PTPRG: variants seen among roughly 807,000 people sequenced by gnomAD.
PTPRG encodes the protein protein tyrosine phosphatase receptor type G, also known as receptor-type tyrosine-protein phosphatase gamma.
PTPRG carries 102 observed loss-of-function variants against 165.3 expected under a neutral mutation model. The observed-to-expected ratio is 0.62, with a 90% CI of 0.53 to 0.73. The LOEUF (loss-of-function observed/expected upper bound fraction) is 0.73. PTPRG is among the 30% of genes least tolerant of loss of function. PTPRG has a pLI of 0.00. For synonymous variants in PTPRG, 675 were observed against 669.5 expected, an observed-to-expected ratio of 1.01 and a Z score of -0.13; for missense variants, 1,866 against 1,861.4, an observed-to-expected ratio of 1.00 and a Z score of -0.05.
chr3:62,145,725 C>G (rs944567286), intron 6 of PTPRG, among the ~76,000 whole-genome samples: 2 of 152,160 alleles, frequency 1.3e-5, no homozygotes, highest in Admixed American at 6.6e-5. Flanking sequence ...TCTATAAATA[C>G]AATCTTATTG....
At chr3:62,238,891 T>C (rs1701091942) in intron 14 of PTPRG, among the ~76,000 whole-genome samples, 1 of 151,936 alleles carries the variant, frequency 6.6e-6, no homozygotes, top group Non-Finnish European at 1.5e-5. Flanking sequence ...AATTGTACAA[T>C]AGGGGGAAGT....
intron 2 of PTPRG, among the ~76,000 whole-genome samples, chr3:61,824,114 C>G (rs1428220021): frequency 2.7e-5 from 4 of 150,926 alleles, no homozygotes; most frequent in African/African-American, 9.8e-5. Context: ...GGCGACAGAG[C>G]GAGACTCCGT....
intron 4 of PTPRG, among the ~76,000 whole-genome samples, chr3:62,040,868 A>G (rs910047368): frequency 1.3e-5 from 2 of 152,190 alleles, no homozygotes; most frequent in Non-Finnish European, 2.9e-5. Flanking sequence ...TGGCCTCTGC[A>G]TATATAGAGG....
chr3:62,281,685 T>A lies in PTPRG; in HGVS notation c.3888T>A (p.His1296Gln). The A allele has an allele frequency of 6.2e-7, 1 of 1,611,948 alleles. No individual in the cohort carries two copies. The highest frequency in any genetic ancestry group is 8.5e-7 in the Non-Finnish European group (1 of 1,178,786). ...CLSNEEQIIIHDFILEATQDD... is the reference protein window; with the variant it reads ...CLSNEEQIIIQDFILEATQDD... ...CTAATGAAGAACAAATTATCATCCATGACTTTATCCTTGAAGCTACACAGG... is the reference window on the plus strand; with the variant it reads ...CTAATGAAGAACAAATTATCATCCAAGACTTTATCCTTGAAGCTACACAGG... Residue 1296 changes from histidine (H) to glutamine (Q), a missense_variant, in exon 27 of 30, where the codon CAT becomes CAA. Around this residue, in one of 3 missense-constraint regions of PTPRG, gnomAD observed 1,452 missense variants for 1,463.0 expected, o/e 0.99. Coordinates refer to ENST00000474889, the MANE Select transcript of PTPRG (RefSeq NM_002841.4).
At chr3:62,117,622 G>T (rs950632005) in intron 5 of PTPRG, among the ~76,000 whole-genome samples, 1 of 152,128 alleles carries the variant, frequency 6.6e-6, no homozygotes, top group Non-Finnish European at 1.5e-5. Context: ...TATTTTGAAG[G>T]CTTACTGTGG....
chr3:61,717,553 C>T (rs904762708), intron 1 of PTPRG, among the ~76,000 whole-genome samples: 3 of 151,692 alleles, frequency 2.0e-5, no homozygotes, highest in Admixed American at 1.3e-4. Flanking sequence ...TTTGGGAGGC[C>T]GAGGCAAGCG....
chr3:61,676,284 C>T (rs1283933991), intron 1 of PTPRG, among the ~76,000 whole-genome samples: 4 of 151,046 alleles, frequency 2.6e-5, no homozygotes, highest in East Asian at 2.0e-4. Flanking sequence ...GGTGAAACCC[C>T]GTCTCTACTA....
chr3:62,095,665 A>G (rs896911143), intron 5 of PTPRG, among the ~76,000 whole-genome samples: 1 of 152,166 alleles, frequency 6.6e-6, no homozygotes, highest in African/African-American at 2.4e-5. Flanking sequence ...AAATGTGCCA[A>G]TGGACATATG....
intron 2 of PTPRG, among the ~76,000 whole-genome samples, chr3:61,884,335 A>C (rs1468586924): frequency 6.6e-6 from 1 of 152,230 alleles, no homozygotes; most frequent in Non-Finnish European, 1.5e-5. Context: ...TGAAATGAAT[A>C]TTAAGATTAT....
intron 12 of PTPRG, among the ~76,000 whole-genome samples, chr3:62,204,351 G>A (rs1051903284): frequency 2.0e-5 from 3 of 152,172 alleles, no homozygotes; most frequent in African/African-American, 7.2e-5. Flanking sequence ...TGCTGTCCCA[G>A]GGGATCCTAG....
At chr3:61,598,508 C>G (rs1443023541) in intron 1 of PTPRG, among the ~76,000 whole-genome samples, 1 of 152,100 alleles carries the variant, frequency 6.6e-6, no homozygotes. Flanking sequence ...GAGTGAAGAG[C>G]TATAAGACAC....
chr3:61,974,696 A>G (rs1452227968), intron 2 of PTPRG, among the ~76,000 whole-genome samples: 1 of 152,200 alleles, frequency 6.6e-6, no homozygotes, highest in Non-Finnish European at 1.5e-5. Context: ...ACCTAAAAAC[A>G]TATGATTCTA....
At chr3:61,592,324 C>A (rs138330221) in intron 1 of PTPRG, among the ~76,000 whole-genome samples, 19 of 152,158 alleles carry the variant, frequency 1.2e-4, no homozygotes, top group African/African-American at 4.3e-4. Context: ...TGTGCGGAGA[C>A]TGTAAAGGAT....
chr3:62,236,904 C>T (rs894102829), intron 14 of PTPRG, among the ~76,000 whole-genome samples: 2 of 152,108 alleles, frequency 1.3e-5, no homozygotes, highest in African/African-American at 4.8e-5. Context: ...ACGTGTTGAC[C>T]CAGATGTCTG....
chr3:62,057,430 C>T (rs972480682), intron 4 of PTPRG, among the ~76,000 whole-genome samples: 2 of 152,194 alleles, frequency 1.3e-5, no homozygotes. Context: ...GTGGGACTCC[C>T]AAAGGATGCC....
intron 4 of PTPRG, among the ~76,000 whole-genome samples, chr3:62,067,832 G>C (rs1322275347): frequency 6.6e-6 from 1 of 152,190 alleles, no homozygotes; most frequent in Non-Finnish European, 1.5e-5. Context: ...AGGGACCTCT[G>C]TGCTAGATGC....
At chr3:62,090,402 G>A (rs17065991) in intron 5 of PTPRG, among the ~76,000 whole-genome samples, 44,013 of 151,970 alleles carry the variant, frequency 0.29, 7,246 homozygotes, top group African/African-American at 0.46. Context: ...CAAGCAGCTA[G>A]CTAACACAAA....
intron 3 of PTPRG, among the ~76,000 whole-genome samples, chr3:61,994,484 G>A (rs960402355): frequency 6.6e-6 from 1 of 152,128 alleles, no homozygotes; most frequent in Non-Finnish European, 1.5e-5. Context: ...CATAGTGCCT[G>A]TGATACAGGT....
intron 2 of PTPRG, among the ~76,000 whole-genome samples, chr3:61,800,372 A>G (rs761109713): frequency 2.6e-5 from 4 of 152,128 alleles, no homozygotes; most frequent in Non-Finnish European, 5.9e-5. Context: ...CCTGAGCACT[A>G]GTAGAGGATA....
Sources: allele counts gnomAD v4.1 joint callset (sites outside exome capture counted in the v4.1 genomes callset), GRCh38; gene constraint gnomAD v4.1.1; regional missense constraint gnomAD v4.1.1; transcripts MANE v1.5; gene names NCBI Gene and HGNC (gene_info 2026-07-23, HGNC 2026-07-21).